The following SEL1L2 variants were observed in gnomAD, a reference collection of about 807,000 sequenced individuals.
SEL1L2 encodes the protein SEL1L2 adaptor subunit of SYVN1 ubiquitin ligase, also known as protein sel-1 homolog 2.
A neutral mutation model predicts 98.8 loss-of-function variants in SEL1L2; 89 were observed. That is an observed-to-expected ratio of 0.90 (90% CI 0.76 to 1.07). SEL1L2 has a LOEUF of 1.07. Ranked by LOEUF, SEL1L2 falls within the 50% of genes least tolerant of loss-of-function variation. SEL1L2 has a pLI of 0.00. For missense variants in SEL1L2, 788 were observed against 812.0 expected (o/e 0.97, Z 0.36); for synonymous variants, 262 against 278.5 (o/e 0.94, Z 0.59).
At chr20:13,925,785 A>G (rs530555875) in intron 3 of SEL1L2, among the ~76,000 whole-genome samples, 4 of 152,368 alleles carry the variant, frequency 2.6e-5, no homozygotes, top group African/African-American at 9.6e-5. Flanking sequence ...ATTTAAAGTT[A>G]TGACATACTT....
intron 2 of SEL1L2, among the ~76,000 whole-genome samples, chr20:13,933,409 C>A (rs2049247594): frequency 1.3e-5 from 2 of 151,986 alleles, no homozygotes; most frequent in South Asian, 4.2e-4. Context: ...TTAGCTATCA[C>A]CTTCCCTGTA....
intron 1 of SEL1L2, among the ~76,000 whole-genome samples, chr20:13,971,133 TA>T (rs1343943243): frequency 2.6e-5 from 4 of 151,734 alleles, no homozygotes; most frequent in African/African-American, 7.3e-5. Flanking sequence ...GGCTCTTTTT[TA>T]AAAAAAATCT....
rs769120478 is a variant in SEL1L2 at position 13,888,006 on chromosome 20, A to G, written c.604-5T>C. 2 of 1,611,774 alleles carry G rather than the reference A, an allele frequency of 1.2e-6. No individual in the cohort carries two copies. Among genetic ancestry groups the G allele is most frequent in the Non-Finnish European group, 1.7e-6 (2 of 1,179,380 alleles). ...AAAGGTGTAATATATCAGTGCCTAAAGTAAAAACAAACAAACAAAAAACCC... is the reference window on the plus strand; with the variant it reads ...AAAGGTGTAATATATCAGTGCCTAAGGTAAAAACAAACAAACAAAAAACCC... On this transcript the variant is annotated splice_polypyrimidine_tract_variant and splice_region_variant and intron_variant, in intron 6 of 19. Transcript: ENST00000284951.
intron 13 of SEL1L2, 28 bp from the exon 14 acceptor site, chr20:13,869,618 A>G (rs750788356): frequency 6.4e-7 from 1 of 1,568,542 alleles, no homozygotes; most frequent in Non-Finnish European, 8.8e-7. Flanking sequence ...TCTATTACTC[A>G]AAGGCACAAG....
intron 19 of SEL1L2, 125 bp from the exon 20 acceptor site, chr20:13,849,729 C>G: frequency 1.7e-6 from 2 of 1,160,518 alleles, no homozygotes; most frequent in Non-Finnish European, 2.4e-6. Flanking sequence ...TTCCTTCAGT[C>G]TTGGAAGACA....
At chr20:13,857,332 C>A (rs1014081038) in intron 18 of SEL1L2, among the ~76,000 whole-genome samples, 1 of 152,024 alleles carries the variant, frequency 6.6e-6, no homozygotes, top group Non-Finnish European at 1.5e-5. Flanking sequence ...AGAAAACTGG[C>A]CAGAGAGAAA....
At chr20:13,944,235 C>T (rs553516938) in intron 2 of SEL1L2, among the ~76,000 whole-genome samples, 1 of 152,254 alleles carries the variant, frequency 6.6e-6, no homozygotes, top group South Asian at 2.1e-4. Flanking sequence ...AGAGAAACAG[C>T]AAATGCCAAT....
intron 15 of SEL1L2, 106 bp from the exon 16 acceptor site, chr20:13,865,620 G>C: frequency 1.1e-6 from 1 of 950,660 alleles, no homozygotes; most frequent in South Asian, 1.7e-5. Context: ...GGTCAGGGAA[G>C]GATTTTAGGT....
At chr20:13,976,512 T>G in intron 1 of SEL1L2, among the ~76,000 whole-genome samples, 1 of 152,108 alleles carries the variant, frequency 6.6e-6, no homozygotes, top group Non-Finnish European at 1.5e-5. Flanking sequence ...GTATACTGAG[T>G]AGCTAATAGT....
At chr20:13,866,053 G>A (rs546698356) in intron 15 of SEL1L2, among the ~76,000 whole-genome samples, 1 of 152,278 alleles carries the variant, frequency 6.6e-6, no homozygotes, top group East Asian at 1.9e-4. Context: ...AAAGAGGTTA[G>A]CCATACATAA....
At chr20:13,897,111 CA>C (rs2047458966) in intron 5 of SEL1L2, among the ~76,000 whole-genome samples, 1 of 152,122 alleles carries the variant, frequency 6.6e-6, no homozygotes, top group African/African-American at 2.4e-5. Flanking sequence ...ACCTCACATA[CA>C]AGGTCAAATG....
intron 17 of SEL1L2, among the ~76,000 whole-genome samples, chr20:13,862,044 A>G (rs1990223166): frequency 6.6e-6 from 1 of 152,144 alleles, no homozygotes; most frequent in Non-Finnish European, 1.5e-5. Context: ...TCTCTCTTCC[A>G]TATGAGGGCA....
chr20:13,893,312 C>G (rs2047284154), intron 5 of SEL1L2, among the ~76,000 whole-genome samples: 1 of 152,114 alleles, frequency 6.6e-6, no homozygotes, highest in African/African-American at 2.4e-5. Flanking sequence ...CCACAGAACT[C>G]ATTGATCTTT....
rs1258924077 is a variant in SEL1L2, at chr20:13,850,171, C to G, written c.1947+20G>C. On this transcript the variant is annotated intron_variant, in intron 19 of 19. Transcript: ENST00000284951. ...ACTGGAGACTTTCAGAGATTCAGGA[C>G]CTGTTCAAGACAAACTTACATTAAA... is the stretch of plus-strand genomic sequence containing the variant. 3.7e-6 allele frequency: 6 copies of G among 1,613,020 alleles called. No homozygotes were observed. The highest frequency in any genetic ancestry group is 4.2e-6 in the Non-Finnish European group (5 of 1,179,348).
At chr20:13,959,012 G>A (rs1318647627) in intron 1 of SEL1L2, among the ~76,000 whole-genome samples, 2 of 151,940 alleles carry the variant, frequency 1.3e-5, no homozygotes, top group Admixed American at 6.6e-5. Flanking sequence ...ACAACGACCA[G>A]TTGAGAGCAG....
intron 12 of SEL1L2, among the ~76,000 whole-genome samples, chr20:13,875,044 A>C (rs905094986): frequency 6.6e-6 from 1 of 152,146 alleles, no homozygotes; most frequent in African/African-American, 2.4e-5. Context: ...AGAGGCAAAG[A>C]CTTCGATGCA....
intron 14 of SEL1L2, 53 bp from the exon 15 acceptor site, chr20:13,866,903 T>C (rs1991135368): frequency 3.3e-6 from 5 of 1,510,580 alleles, no homozygotes; most frequent in Non-Finnish European, 4.4e-6. Flanking sequence ...TTTTTTATAT[T>C]ATAATCTATG....
chr20:13,925,398 G>A (rs1166377558), intron 3 of SEL1L2, among the ~76,000 whole-genome samples: 1 of 152,174 alleles, frequency 6.6e-6, no homozygotes, highest in Admixed American at 6.5e-5. Flanking sequence ...TCTGTATGAG[G>A]GTCAGGGCTG....
intron 4 of SEL1L2, among the ~76,000 whole-genome samples, chr20:13,916,515 G>A (rs2048408868): frequency 6.6e-6 from 1 of 152,122 alleles, no homozygotes; most frequent in Non-Finnish European, 1.5e-5. Flanking sequence ...CGACTCAAAA[G>A]GGTCAGGAGG....
Sources: gnomAD v4.1 joint callset for allele counts (sites outside exome capture counted in the v4.1 genomes callset) on GRCh38, gnomAD v4.1.1 for gene constraint, MANE v1.5 for transcripts, NCBI Gene and HGNC (gene_info 2026-07-23, HGNC 2026-07-21) for gene names.